Variants in KAT6B observed in about 807,000 individuals in gnomAD.
KAT6B encodes the protein lysine acetyltransferase 6B.
KAT6B carries 10 observed loss-of-function variants against 187.5 expected under a neutral mutation model. The ratio of observed to expected loss-of-function variants is 0.05; its 90% CI spans 0.03 to 0.09. The LOEUF (loss-of-function observed/expected upper bound fraction) is 0.09. Ranked by LOEUF, KAT6B falls within the 10% of genes least tolerant of loss-of-function variation. KAT6B has a pLI of 1.00. For synonymous variants in KAT6B, 861 were observed against 926.8 expected (o/e 0.93, Z 1.29); for missense variants, 1,952 against 2,558.9 (o/e 0.76, Z 5.12).
At chr10:74,871,190 T>C (rs1181766182) in intron 3 of KAT6B, among the ~76,000 whole-genome samples, 1 of 125,564 alleles carries the variant, frequency 8.0e-6, no homozygotes, top group Non-Finnish European at 1.7e-5. Context: ...CTGGCCTTTT[T>C]TTTTTTTTTT....
chr10:74,973,593 C>T (rs567247105), intron 7 of KAT6B, among the ~76,000 whole-genome samples: 18 of 152,318 alleles, frequency 1.2e-4, no homozygotes, highest in Admixed American at 2.6e-4. Flanking sequence ...AAGCTGCTCT[C>T]ACTATCTTAT....
chr10:74,843,194 A>C lies in KAT6B; in HGVS notation c.337A>C (p.Arg113=). ...RNVDWNKLLR[R]AIEGLEEPNG... Reference sequence around the variant, plus strand: ...TGTGGATTGGAATAAACTTTTAAGGAGAGCAATTGAAGGACTTGAGGAGCC... The same window carrying C: ...TGTGGATTGGAATAAACTTTTAAGGCGAGCAATTGAAGGACTTGAGGAGCC... The change falls in exon 3 of 18, where the codon AGA becomes CGA. Residue 113 remains arginine (R), a synonymous_variant. Transcript: ENST00000287239. 6 of 1,614,224 alleles carry C rather than the reference A, an allele frequency of 3.7e-6. No individual in the cohort carries two copies. Among genetic ancestry groups the C allele is most frequent in the Non-Finnish European group, 5.1e-6 (6 of 1,180,032 alleles).
At chr10:74,873,035 A>G (rs547986210) in intron 3 of KAT6B, among the ~76,000 whole-genome samples, 1 of 152,336 alleles carries the variant, frequency 6.6e-6, no homozygotes, top group East Asian at 1.9e-4. Flanking sequence ...GTGAATGATC[A>G]TGGTCTTTAC....
At chr10:74,873,311 A>C (rs891982741) in intron 3 of KAT6B, among the ~76,000 whole-genome samples, 2 of 151,918 alleles carry the variant, frequency 1.3e-5, no homozygotes, top group Admixed American at 6.6e-5. Flanking sequence ...AAATGAAAAA[A>C]AAAAAAAGCC....
Position 74,879,881 on chromosome 10 carries a change from G to A in KAT6B, c.621+36403G>A, listed in dbSNP as rs58781909. 4.9e-3 allele frequency among the ~76,000 whole-genome samples: 753 copies of A among 152,218 alleles called. 5 individuals carry two copies. The highest frequency in any genetic ancestry group is 0.017 in the African/African-American group (718 of 41,530). The stretch of plus-strand genomic sequence containing the variant: ...AGGCCAAAGCTGGCAGATCACCTGA[G>A]GTCAGGAGTTTGAGACCAGCCTGGC... On this transcript the variant is annotated intron_variant, in intron 3 of 17. Transcript: ENST00000287239.
chr10:74,893,082 A>T (rs1393720088), intron 3 of KAT6B, among the ~76,000 whole-genome samples: 4 of 152,364 alleles, frequency 2.6e-5, no homozygotes, highest in African/African-American at 9.6e-5. Context: ...TGGGTGAACC[A>T]CAGAGGCAGG....
In KAT6B at chr10:74,887,041, G is replaced by A. The variant is rs770831603; in HGVS notation, c.621+43563G>A. 6.0e-4 allele frequency among the ~76,000 whole-genome samples: 92 copies of A among 152,174 alleles called. 1 individual carries two copies. The highest frequency in any genetic ancestry group is 1.6e-4 in the Non-Finnish European group (11 of 68,016). ...ATAGTGCAGGTGTGAAGGGAGAAGAGCCAGCCTTTCTCCACCGTCTCTCTG... is the reference window on the plus strand; with the variant it reads ...ATAGTGCAGGTGTGAAGGGAGAAGAACCAGCCTTTCTCCACCGTCTCTCTG... On this transcript the variant is annotated intron_variant, in intron 3 of 17. Coordinates refer to ENST00000287239, the MANE Select transcript of KAT6B (RefSeq NM_012330.4).
intron 3 of KAT6B, among the ~76,000 whole-genome samples, chr10:74,845,132 TC>T (rs1286391818): frequency 6.6e-6 from 1 of 151,776 alleles, no homozygotes; most frequent in African/African-American, 2.4e-5. Context: ...GGTGGGAGGA[TC>T]ACTTGAGCAT....
intron 3 of KAT6B, among the ~76,000 whole-genome samples, chr10:74,937,236 CCAAATATG>C (rs1277217999): frequency 6.6e-6 from 1 of 152,034 alleles, no homozygotes; most frequent in Non-Finnish European, 1.5e-5. Context: ...AGCTTCGGAG[CCAAATATG>C]CTGGAATTCA....
At chr10:74,865,660 C>T (rs938981420) in intron 3 of KAT6B, among the ~76,000 whole-genome samples, 7 of 152,092 alleles carry the variant, frequency 4.6e-5, no homozygotes, top group African/African-American at 1.4e-4. Context: ...AGATTACAGG[C>T]GTGCACCACC....
chr10:74,853,574 G>A (rs565885051), intron 3 of KAT6B, among the ~76,000 whole-genome samples: 19 of 146,940 alleles, frequency 1.3e-4, no homozygotes, highest in East Asian at 1.0e-3. Flanking sequence ...GGTTATAGGC[G>A]TGAGCCACCG....
intron 15 of KAT6B, among the ~76,000 whole-genome samples, chr10:75,021,611 C>T (rs760451138): frequency 3.9e-5 from 6 of 152,184 alleles, no homozygotes; most frequent in Admixed American, 6.5e-5. Flanking sequence ...TTAAAGTGCT[C>T]CTTGCCAGTG....
At chr10:74,951,802 G>A (rs1840339900) in intron 3 of KAT6B, among the ~76,000 whole-genome samples, 1 of 152,164 alleles carries the variant, frequency 6.6e-6, no homozygotes, top group African/African-American at 2.4e-5. Flanking sequence ...TCGTGTTTGT[G>A]GTCATTGAGG....
At chr10:75,002,387 A>AAC (rs1554840520) in intron 13 of KAT6B, among the ~76,000 whole-genome samples, 1 of 152,000 alleles carries the variant, frequency 6.6e-6, no homozygotes, top group African/African-American at 2.4e-5. Context: ...CAAAAAAAAA[A>AAC]AACAACAACA....
intron 13 of KAT6B, among the ~76,000 whole-genome samples, chr10:75,019,042 C>T (rs1192756755): frequency 1.3e-5 from 2 of 152,182 alleles, no homozygotes; most frequent in Non-Finnish European, 2.9e-5. Context: ...AGCTCTTCTT[C>T]GTGTTGACAG....
intron 3 of KAT6B, among the ~76,000 whole-genome samples, chr10:74,896,242 G>C (rs1473635654): frequency 1.3e-5 from 2 of 151,966 alleles, no homozygotes; most frequent in East Asian, 3.9e-4. Context: ...TTTGTCATGG[G>C]CCTACCATAA....
At chr10:75,015,804 TC>T (rs1844939203) in intron 13 of KAT6B, among the ~76,000 whole-genome samples, 1 of 152,194 alleles carries the variant, frequency 6.6e-6, no homozygotes, top group Non-Finnish European at 1.5e-5. Context: ...GACCCCAAAC[TC>T]ACATAATCCA....
At chr10:75,026,427 C>T (rs1193003196) in intron 17 of KAT6B, among the ~76,000 whole-genome samples, 1 of 152,180 alleles carries the variant, frequency 6.6e-6, no homozygotes, top group South Asian at 2.1e-4. Context: ...TCAGAACTTA[C>T]TTTAATCTGG....
At chr10:74,864,995 A>G (rs79615519) in intron 3 of KAT6B, among the ~76,000 whole-genome samples, 3,208 of 152,338 alleles carry the variant, frequency 0.021, 62 homozygotes, top group African/African-American at 0.056. Context: ...TATAAGACAT[A>G]TATGAGTACA....
Sources: gnomAD v4.1 joint callset for allele counts (sites outside exome capture counted in the v4.1 genomes callset) on GRCh38, gnomAD v4.1.1 for gene constraint, MANE v1.5 for transcripts, NCBI Gene and HGNC (gene_info 2026-07-23, HGNC 2026-07-21) for gene names.